DNAH8: variants seen among roughly 807,000 people sequenced by gnomAD.
DNAH8 encodes dynein axonemal heavy chain 8.
A neutral mutation model predicts 562.1 loss-of-function variants in DNAH8; 382 were observed. That is an observed-to-expected ratio of 0.68 (90% CI 0.63 to 0.74). DNAH8 has a LOEUF of 0.74. Ranked by LOEUF, DNAH8 falls within the 30% of genes least tolerant of loss-of-function variation. The pLI is 0.00. For missense variants in DNAH8, 5,203 were observed against 5,620.4 expected (o/e 0.93, Z 2.37); for synonymous variants, 1,881 against 1,919.4 (o/e 0.98, Z 0.52).
chr6:39,028,812 C>A (rs1246905043), intron 92 of DNAH8, among the ~76,000 whole-genome samples: 1 of 152,166 alleles, frequency 6.6e-6, no homozygotes, highest in African/African-American at 2.4e-5. Flanking sequence ...AACCATATGT[C>A]CTGATTTTCT....
chr6:38,918,782 A>G (rs892735606), intron 70 of DNAH8, among the ~76,000 whole-genome samples: 6 of 152,146 alleles, frequency 3.9e-5, no homozygotes, highest in Admixed American at 2.0e-4. Flanking sequence ...CATGAAATGT[A>G]TCACTCAGAT....
chr6:38,857,629 AT>A lies in DNAH8; in HGVS notation c.5847del (p.Leu1950Ter). 1 of 1,613,874 alleles carries A rather than the reference AT, an allele frequency of 6.2e-7. No individual in the cohort carries two copies. The highest frequency in any genetic ancestry group is 8.5e-7 in the Non-Finnish European group (1 of 1,179,808). ...MQVTNQKFLDILNTLISQTTH... is the reference protein window; with the variant it reads ...MQVTNQKFLDXLNTLISQTTH... ...AGTGACCAATCAGAAATTTTTGGATATTCTAAATACTCTCATTAGTCAGACA... is the reference window on the plus strand; with the variant it reads ...AGTGACCAATCAGAAATTTTTGGATATCTAAATACTCTCATTAGTCAGACA... On this transcript the variant is annotated frameshift_variant, in exon 42 of 93. Coordinates refer to ENST00000327475, the MANE Select transcript of DNAH8 (RefSeq NM_001206927.2). LOFTEE classifies it high-confidence loss of function.
intron 77 of DNAH8, chr6:38,936,322 A>T (rs1316197391): frequency 6.6e-6 from 1 of 152,184 alleles, no homozygotes; most frequent in Admixed American, 6.5e-5. Flanking sequence ...CCCACTTTAG[A>T]TGGGAAAGAC....
chr6:38,884,506 C>T (rs1001501928), intron 56 of DNAH8, among the ~76,000 whole-genome samples: 2 of 152,142 alleles, frequency 1.3e-5, no homozygotes, highest in African/African-American at 4.8e-5. Context: ...GTTGGCCAGG[C>T]TGGTCTTGAA....
At position 38,806,736 on chromosome 6, in the gene DNAH8, G is replaced by A. The variant is rs542871206; in HGVS notation, c.3151-874G>A. 8.8e-4 allele frequency among the ~76,000 whole-genome samples: 133 copies of A among 151,842 alleles called. 2 individuals carry two copies. The highest frequency in any genetic ancestry group is 3.0e-3 in the African/African-American group (125 of 41,384). ...GCAGAGCTTGCAGTGAGCCGAGATC[G>A]CGCCACTGCACTCCAGCCTGGGCGA... On this transcript the variant is annotated intron_variant, in intron 23 of 92. Coordinates refer to ENST00000327475, the MANE Select transcript of DNAH8 (RefSeq NM_001206927.2).
intron 26 of DNAH8, chr6:38,822,436 G>A (rs1772947477): frequency 6.4e-6 from 1 of 155,422 alleles, no homozygotes; most frequent in Non-Finnish European, 1.4e-5. Context: ...GTATATCCAC[G>A]AAGACTAAAT....
intron 21 of DNAH8, among the ~76,000 whole-genome samples, chr6:38,794,550 C>T (rs2127662332): frequency 6.6e-6 from 1 of 152,276 alleles, no homozygotes; most frequent in East Asian, 1.9e-4. Flanking sequence ...TGCTTTACTC[C>T]AGCCAGTTAC....
chr6:38,958,126 C>T (rs548045375), intron 82 of DNAH8, among the ~76,000 whole-genome samples: 11 of 151,644 alleles, frequency 7.3e-5, no homozygotes, highest in Middle Eastern at 3.4e-3. Context: ...CTCAGCCTCC[C>T]GAGTAGCTGG....
intron 45 of DNAH8, among the ~76,000 whole-genome samples, chr6:38,866,268 C>G (rs898696818): frequency 2.0e-5 from 3 of 152,100 alleles, no homozygotes; most frequent in Admixed American, 1.3e-4. Context: ...GGTATCTATT[C>G]AGTTTTCTCT....
At chr6:38,890,522 G>A in intron 57 of DNAH8, 130 bp from the exon 58 acceptor site, 2 of 682,964 alleles carry the variant, frequency 2.9e-6, no homozygotes, top group Non-Finnish European at 5.2e-6. Context: ...CCCAGTCTTA[G>A]CTGATCCCTT....
chr6:38,994,465 T>G (rs1012589825), intron 88 of DNAH8, among the ~76,000 whole-genome samples: 2 of 151,700 alleles, frequency 1.3e-5, no homozygotes, highest in Admixed American at 6.6e-5. Context: ...GTAAGAAAGC[T>G]TCTTCCCTCA....
chr6:38,863,053 G>A (rs2150411538), intron 44 of DNAH8, among the ~76,000 whole-genome samples: 1 of 152,198 alleles, frequency 6.6e-6, no homozygotes, highest in African/African-American at 2.4e-5. Flanking sequence ...CTCTAGCTCG[G>A]ACTTCTTGAA....
chr6:38,998,454 TA>T (rs1307674574), intron 88 of DNAH8, among the ~76,000 whole-genome samples: 2 of 152,224 alleles, frequency 1.3e-5, no homozygotes, highest in African/African-American at 4.8e-5. Context: ...CATGTTTCTT[TA>T]CTTTCTGAAA....
chr6:38,992,675 C>G (rs1305517905), intron 88 of DNAH8, among the ~76,000 whole-genome samples: 1 of 140,674 alleles, frequency 7.1e-6, no homozygotes, highest in African/African-American at 2.6e-5. Context: ...CCATTTCACC[C>G]TCACCCAGGG....
At chr6:38,873,407 C>A in intron 52 of DNAH8, 31 bp downstream of exon 52, 1 of 1,545,832 alleles carries the variant, frequency 6.5e-7, no homozygotes, top group South Asian at 1.3e-5. Context: ...TTTACTACTT[C>A]GATTTTGATT....
rs1761368791 is a variant in DNAH8, at chr6:38,945,847, G to A, written c.12129+259G>A. On this transcript the variant is annotated intron_variant, in intron 80 of 92. Transcript: ENST00000327475. ...TTTTTGTATGCCTGTTAGAGTTGCTGCTGGAATCAGAACCAGTAGATGGAC... is the reference window on the plus strand; with the variant it reads ...TTTTTGTATGCCTGTTAGAGTTGCTACTGGAATCAGAACCAGTAGATGGAC... 2.6e-5 allele frequency among the ~76,000 whole-genome samples: 4 copies of A among 152,290 alleles called. No individual in the cohort carries two copies. The South Asian group carries it at 6.2e-4, about 24-fold the overall frequency.
intron 17 of DNAH8, among the ~76,000 whole-genome samples, chr6:38,785,592 G>A (rs1019326125): frequency 6.6e-6 from 1 of 151,914 alleles, no homozygotes; most frequent in Non-Finnish European, 1.5e-5. Context: ...TTTAAGCCCC[G>A]CATGCATTAG....
intron 85 of DNAH8, among the ~76,000 whole-genome samples, chr6:38,981,880 C>T (rs1764060072): frequency 6.6e-6 from 1 of 152,160 alleles, no homozygotes; most frequent in Admixed American, 6.5e-5. Flanking sequence ...TGGCTATATG[C>T]CACATAACGT....
rs1380438504 is a variant in DNAH8 at position 38,909,752 on chromosome 6, A to G, written c.9740+8A>G. ...TGAAAGTTATTTCCAAAGGTAAGTG[A>G]TATTACATAAGCACCATCGCTATGG... On this transcript the variant is annotated splice_region_variant and intron_variant, in intron 65 of 92. Coordinates refer to ENST00000327475, the MANE Select transcript of DNAH8 (RefSeq NM_001206927.2). 2 of 1,607,550 alleles carry G rather than the reference A, an allele frequency of 1.2e-6. No homozygotes were observed. Among genetic ancestry groups the G allele is most frequent in the Non-Finnish European group, 1.7e-6 (2 of 1,174,152 alleles).
Sources: allele counts gnomAD v4.1 joint callset (sites outside exome capture counted in the v4.1 genomes callset), GRCh38; gene constraint gnomAD v4.1.1; transcripts MANE v1.5; gene names NCBI Gene and HGNC (gene_info 2026-07-23, HGNC 2026-07-21).